The following LRRTM4 variants were observed in gnomAD, a reference collection of about 807,000 sequenced individuals.
LRRTM4 encodes leucine rich repeat transmembrane neuronal 4, also known as leucine-rich repeat transmembrane neuronal protein 4.
LRRTM4 carries 25 observed loss-of-function variants against 47.6 expected under a neutral mutation model. That is an observed-to-expected ratio of 0.53 (90% CI 0.38 to 0.73). The LOEUF (loss-of-function observed/expected upper bound fraction) is 0.73, where lower values mean the gene tolerates loss of function less well. LRRTM4 is among the 30% of genes least tolerant of loss of function. The pLI is 0.00. For synonymous variants in LRRTM4, 311 were observed against 269.5 expected (o/e 1.15, Z -1.51); for missense variants, 638 against 713.4 (o/e 0.89, Z 1.20).
intron 3 of LRRTM4, among the ~76,000 whole-genome samples, chr2:76,907,874 C>T (rs1237026168): frequency 7.0e-6 from 1 of 141,980 alleles, no homozygotes; most frequent in East Asian, 2.1e-4. Flanking sequence ...CGAAAAGAGT[C>T]CAGGACCAGA....
intron 3 of LRRTM4, among the ~76,000 whole-genome samples, chr2:77,204,814 C>T (rs1437730531): frequency 2.6e-5 from 4 of 152,158 alleles, no homozygotes; most frequent in African/African-American, 4.8e-5. Context: ...GATAAATACT[C>T]GCTGGATAAA....
intron 3 of LRRTM4, among the ~76,000 whole-genome samples, chr2:77,029,164 G>A (rs927024132): frequency 2.0e-5 from 3 of 150,272 alleles, no homozygotes; most frequent in African/African-American, 2.4e-5. Context: ...GTTTGATAAC[G>A]TTAGTATTTA....
chr2:76,912,596 T>A (rs187529756), intron 3 of LRRTM4, among the ~76,000 whole-genome samples: 1 of 152,194 alleles, frequency 6.6e-6, no homozygotes, highest in Non-Finnish European at 1.5e-5. Flanking sequence ...GCCAAAAAAA[T>A]TGATATCGTA....
intron 3 of LRRTM4, among the ~76,000 whole-genome samples, chr2:76,936,452 G>A (rs895840160): frequency 4.0e-5 from 6 of 151,818 alleles, no homozygotes; most frequent in East Asian, 3.9e-4. Flanking sequence ...GGGGGGTTAG[G>A]GGAGGGATAG....
chr2:77,310,684 C>T (rs1418261362), intron 3 of LRRTM4, among the ~76,000 whole-genome samples: 1 of 152,160 alleles, frequency 6.6e-6, no homozygotes, highest in Non-Finnish European at 1.5e-5. Context: ...TCTGATGTGG[C>T]AGCAAAGGCT....
chr2:77,488,569 T>C (rs1678017106), intron 3 of LRRTM4, among the ~76,000 whole-genome samples: 1 of 152,196 alleles, frequency 6.6e-6, no homozygotes, highest in Non-Finnish European at 1.5e-5. Context: ...AAGGATCCCA[T>C]GACAGAAAGA....
chr2:77,356,787 T>C (rs1671983351), intron 3 of LRRTM4, among the ~76,000 whole-genome samples: 1 of 152,184 alleles, frequency 6.6e-6, no homozygotes, highest in East Asian at 1.9e-4. Flanking sequence ...TATTGTGATT[T>C]TATATGTTAT....
At chr2:77,114,102 A>G (rs369464309) in intron 3 of LRRTM4, among the ~76,000 whole-genome samples, 2 of 152,050 alleles carry the variant, frequency 1.3e-5, no homozygotes, top group African/African-American at 4.8e-5. Flanking sequence ...AAGCTGAGGA[A>G]GAGGTAGAGG....
chr2:77,280,391 G>A (rs2104097947), intron 3 of LRRTM4, among the ~76,000 whole-genome samples: 1 of 152,160 alleles, frequency 6.6e-6, no homozygotes, highest in South Asian at 2.1e-4. Context: ...TTAAGCCATT[G>A]AGTTTGTGAG....
In LRRTM4 at chr2:76,911,938, G is replaced by A. The variant is rs143085932; in HGVS notation, c.1552-163022C>T. Among the ~76,000 whole-genome samples, 92 of 48,822 alleles carry A rather than the reference G, an allele frequency of 1.9e-3. 3 individuals are homozygous for A. The highest frequency in any genetic ancestry group is 8.1e-3 in the African/African-American group (85 of 10,458). The allele number at this position is 48,822 out of a possible 152,430, so 32.0% of individuals were successfully genotyped here. A position where few individuals can be genotyped will look rare whatever the true frequency, so the allele number is the denominator to read the frequency against. On this transcript the variant is annotated intron_variant, in intron 3 of 3. Coordinates refer to ENST00000409884, the MANE Select transcript of LRRTM4 (RefSeq NM_001134745.3). ...GTGAGTTGTGGTATGTGCTTTTTGG[G>A]GGGGGGGGGGGGACAGAGTCTCGCT...
intron 3 of LRRTM4, among the ~76,000 whole-genome samples, chr2:77,268,141 C>G (rs1422895564): frequency 1.3e-5 from 2 of 152,082 alleles, no homozygotes; most frequent in African/African-American, 4.8e-5. Context: ...TTTCTAATTT[C>G]TGTGTTTGGC....
intron 3 of LRRTM4, among the ~76,000 whole-genome samples, chr2:76,907,469 A>G (rs1673885799): frequency 6.7e-6 from 1 of 148,572 alleles, no homozygotes; most frequent in African/African-American, 2.5e-5. Flanking sequence ...AAAAGCTAGC[A>G]GAAGGCAAGA....
At chr2:77,294,128 G>A (rs1340929416) in intron 3 of LRRTM4, among the ~76,000 whole-genome samples, 1 of 151,956 alleles carries the variant, frequency 6.6e-6, no homozygotes, top group Non-Finnish European at 1.5e-5. Flanking sequence ...AGACCCTTAC[G>A]TATTATTTTA....
chr2:77,281,726 A>G (rs998066872), intron 3 of LRRTM4, among the ~76,000 whole-genome samples: 2 of 151,866 alleles, frequency 1.3e-5, no homozygotes, highest in African/African-American at 2.4e-5. Context: ...GGGGAGGTAC[A>G]TGAAAATGCA....
At chr2:77,470,594 C>A (rs1244338023) in intron 3 of LRRTM4, among the ~76,000 whole-genome samples, 2 of 152,036 alleles carry the variant, frequency 1.3e-5, no homozygotes, top group African/African-American at 4.8e-5. Context: ...TAGGTACAAG[C>A]ACAACCTTTG....
chr2:77,299,210 C>G lies in LRRTM4; in HGVS notation c.1551+219108G>C, dbSNP rs531625010. ...GCTTTAGTAAGAAGGAAGAGAAATACTAGGTAGTTCTTCCTACAATCTCTC... is the reference window on the plus strand; with the variant it reads ...GCTTTAGTAAGAAGGAAGAGAAATAGTAGGTAGTTCTTCCTACAATCTCTC... On this transcript the variant is annotated intron_variant, in intron 3 of 3. Transcript: ENST00000409884. Among the ~76,000 whole-genome samples the G allele has an allele frequency of 2.0e-5, 3 of 151,564 alleles. No homozygotes were observed. In the South Asian group the frequency reaches 6.2e-4, roughly 32 times the overall value.
chr2:77,064,860 A>AGACTTAACCTACCCTT (rs954723776), intron 3 of LRRTM4, among the ~76,000 whole-genome samples: 3 of 152,192 alleles, frequency 2.0e-5, no homozygotes, highest in African/African-American at 7.2e-5. Context: ...TCTGATTTAC[A>AGACTTAACCTACCCTT]GACTTAACCT....
At chr2:77,422,217 G>C (rs1573392165) in intron 3 of LRRTM4, among the ~76,000 whole-genome samples, 1 of 152,158 alleles carries the variant, frequency 6.6e-6, no homozygotes, top group Non-Finnish European at 1.5e-5. Context: ...GTTTTTCTTT[G>C]TGCAAGTATT....
intron 3 of LRRTM4, among the ~76,000 whole-genome samples, chr2:77,204,318 A>G (rs1451661989): frequency 6.6e-6 from 1 of 152,046 alleles, no homozygotes; most frequent in Non-Finnish European, 1.5e-5. Context: ...TAAATCATGT[A>G]ACGTTTTTAA....
Sources: allele counts gnomAD v4.1 joint callset (sites outside exome capture counted in the v4.1 genomes callset), GRCh38; gene constraint gnomAD v4.1.1; transcripts MANE v1.5; gene names NCBI Gene and HGNC (gene_info 2026-07-23, HGNC 2026-07-21).